CDH13: variants seen among roughly 807,000 people sequenced by gnomAD.
CDH13 encodes the protein cadherin-13.
CDH13 carries 24 observed loss-of-function variants against 63.8 expected under a neutral mutation model. The ratio of observed to expected loss-of-function variants is 0.38; its 90% CI spans 0.27 to 0.53. The LOEUF is 0.53. Ranked by LOEUF, CDH13 falls within the 20% of genes least tolerant of loss-of-function variation. The probability of loss-of-function intolerance (pLI) is 0.85; values close to 1 mark genes in which losing one functional copy is unlikely to be tolerated. For synonymous variants in CDH13, 503 were observed against 355.3 expected, an observed-to-expected ratio of 1.42 and a Z score of -4.67; for missense variants, 1,049 against 903.1, an observed-to-expected ratio of 1.16 and a Z score of -2.07.
intron 3 of CDH13, among the ~76,000 whole-genome samples, chr16:83,083,917 G>T (rs775488347): frequency 2.2e-4 from 34 of 152,182 alleles, no homozygotes; most frequent in Non-Finnish European, 5.9e-5. Flanking sequence ...AAGAAAGATA[G>T]CTCCAGGTAA....
chr16:83,434,198 A>G (rs972879428), intron 6 of CDH13, among the ~76,000 whole-genome samples: 7 of 152,116 alleles, frequency 4.6e-5, no homozygotes, highest in South Asian at 2.1e-4. Context: ...CAGCATCTCA[A>G]CGAACTCTGC....
At chr16:83,433,186 G>A (rs903330380) in intron 6 of CDH13, among the ~76,000 whole-genome samples, 1 of 152,196 alleles carries the variant, frequency 6.6e-6, no homozygotes, top group African/African-American at 2.4e-5. Context: ...TACTGGTAGA[G>A]TGTTGGGACC....
At chr16:83,731,345 A>T (rs1405384735) in intron 10 of CDH13, among the ~76,000 whole-genome samples, 1 of 152,156 alleles carries the variant, frequency 6.6e-6, no homozygotes, top group Non-Finnish European at 1.5e-5. Flanking sequence ...TGACTTTTTA[A>T]TAATAGCTAT....
At chr16:83,527,334 A>G (rs1405113519) in intron 7 of CDH13, among the ~76,000 whole-genome samples, 1 of 151,966 alleles carries the variant, frequency 6.6e-6, no homozygotes, top group Non-Finnish European at 1.5e-5. Flanking sequence ...CTGTAGTCCC[A>G]GCTACTTGGG....
chr16:83,344,960 T>C lies in CDH13; in HGVS notation c.735T>C (p.Phe245=). Reference sequence around the variant, plus strand: ...ATCAGAATGACAACCGACCGATCTTTCGGGAAGGCCCCTACATCGGCCACG... The same window carrying C: ...ATCAGAATGACAACCGACCGATCTTCCGGGAAGGCCCCTACATCGGCCACG... ...VIDQNDNRPI[F]REGPYIGHVM... The change falls in exon 6 of 14, where the codon TTT becomes TTC. Residue 245 remains phenylalanine, a synonymous_variant. Coordinates refer to ENST00000567109, the MANE Select transcript of CDH13 (RefSeq NM_001257.5). The C allele has an allele frequency of 6.2e-7, 1 of 1,614,008 alleles. No homozygotes were observed. Among genetic ancestry groups the C allele is most frequent in the Non-Finnish European group, 8.5e-7 (1 of 1,179,856 alleles).
intron 6 of CDH13, among the ~76,000 whole-genome samples, chr16:83,411,848 T>G (rs1386740580): frequency 6.6e-6 from 1 of 152,232 alleles, no homozygotes; most frequent in Non-Finnish European, 1.5e-5. Flanking sequence ...ACTTCTCATT[T>G]AGTCCTCATA....
chr16:83,590,314 G>A (rs1288559259), intron 7 of CDH13, among the ~76,000 whole-genome samples: 1 of 152,204 alleles, frequency 6.6e-6, no homozygotes, highest in African/African-American at 2.4e-5. Flanking sequence ...GCACACAGAG[G>A]TGGTGGAGAA....
intron 2 of CDH13, among the ~76,000 whole-genome samples, chr16:83,006,872 C>A (rs753756290): frequency 2.0e-5 from 3 of 151,166 alleles, no homozygotes; most frequent in Non-Finnish European, 4.4e-5. Context: ...TTGCACATTT[C>A]ATTTTTCTTC....
Position 83,412,813 on chromosome 16 carries a change from T to G in CDH13, c.781+67807T>G, listed in dbSNP as rs2092147455. Among the ~76,000 whole-genome samples the G allele has an allele frequency of 2.6e-5, 4 of 152,206 alleles. No individual in the cohort carries two copies. In the South Asian group the frequency reaches 8.3e-4, roughly 32 times the overall value. ...GCCATGCATTTACGATTTCAGGACA[T>G]CTTTGAACCCAGGGCAAGAACTGCA... On this transcript the variant is annotated intron_variant, in intron 6 of 13. Transcript: ENST00000567109.
chr16:83,380,064 C>A (rs2091535231), intron 6 of CDH13, among the ~76,000 whole-genome samples: 1 of 151,508 alleles, frequency 6.6e-6, no homozygotes, highest in African/African-American at 2.4e-5. Context: ...CCATATTATT[C>A]TCAGAAACAA....
At chr16:83,350,441 A>G (rs2090929453) in intron 6 of CDH13, among the ~76,000 whole-genome samples, 2 of 152,224 alleles carry the variant, frequency 1.3e-5, no homozygotes, top group South Asian at 4.1e-4. Context: ...GGCATGTCTG[A>G]TCCTTCTTCT....
intron 6 of CDH13, among the ~76,000 whole-genome samples, chr16:83,430,210 G>A (rs949671383): frequency 6.6e-6 from 1 of 152,168 alleles, no homozygotes; most frequent in Non-Finnish European, 1.5e-5. Context: ...GCAAGATGTG[G>A]AACCAGCCTA....
chr16:82,928,826 A>T (rs2042387454), intron 2 of CDH13, among the ~76,000 whole-genome samples: 1 of 152,172 alleles, frequency 6.6e-6, no homozygotes. Flanking sequence ...TGGGGTGACC[A>T]GTGTTTCTGA....
intron 5 of CDH13, among the ~76,000 whole-genome samples, chr16:83,265,442 C>G (rs1044653750): frequency 2.0e-5 from 3 of 152,130 alleles, no homozygotes; most frequent in African/African-American, 7.2e-5. Context: ...TTGGAAGATT[C>G]ATTATCTAAT....
intron 3 of CDH13, among the ~76,000 whole-genome samples, chr16:83,109,499 T>G (rs2034957380): frequency 6.6e-6 from 1 of 152,196 alleles, no homozygotes; most frequent in Non-Finnish European, 1.5e-5. Context: ...GGAAGGTATG[T>G]GTCAAACCCC....
intron 10 of CDH13, among the ~76,000 whole-genome samples, chr16:83,697,124 C>T (rs1905511258): frequency 6.6e-6 from 1 of 152,162 alleles, no homozygotes. Flanking sequence ...GTGAGCTCAC[C>T]CACTCAATAA....
chr16:83,049,521 G>T (rs955716150), intron 3 of CDH13, among the ~76,000 whole-genome samples: 15 of 151,814 alleles, frequency 9.9e-5, no homozygotes, highest in Non-Finnish European at 2.2e-4. Flanking sequence ...TTTTTTAGTA[G>T]AGACCGGGTT....
intron 3 of CDH13, among the ~76,000 whole-genome samples, chr16:83,077,609 C>T (rs1254536606): frequency 6.6e-6 from 1 of 152,112 alleles, no homozygotes; most frequent in Non-Finnish European, 1.5e-5. Flanking sequence ...ATCTACTCTC[C>T]TATTGATGGA....
chr16:83,502,813 A>G (rs1381023335), intron 7 of CDH13, among the ~76,000 whole-genome samples: 4 of 152,206 alleles, frequency 2.6e-5, no homozygotes, highest in African/African-American at 7.2e-5. Context: ...ACTTGAGATG[A>G]CACAGGAGTG....
Sources: gnomAD v4.1 joint callset for allele counts (sites outside exome capture counted in the v4.1 genomes callset) on GRCh38, gnomAD v4.1.1 for gene constraint, MANE v1.5 for transcripts, NCBI Gene and HGNC (gene_info 2026-07-23, HGNC 2026-07-21) for gene names.